The following FIG4 variants were observed in gnomAD, a reference collection of about 807,000 sequenced individuals.
The protein encoded by FIG4 is polyphosphoinositide phosphatase.
In FIG4, 112 loss-of-function variants were observed where a neutral mutation model predicts 118.6. The observed-to-expected ratio is 0.94, with a 90% CI of 0.81 to 1.11. The LOEUF (loss-of-function observed/expected upper bound fraction) is 1.11, where lower values mean the gene tolerates loss of function less well. Among genes scored for constraint, FIG4 ranks in the 50% least tolerant of loss-of-function variants. The probability of loss-of-function intolerance (pLI) is 0.00; values close to 1 mark genes in which losing one functional copy is unlikely to be tolerated. For missense variants in FIG4, 969 were observed against 1,111.7 expected (o/e 0.87, Z 1.83); for synonymous variants, 369 against 381.2 (o/e 0.97, Z 0.37).
chr6:109,764,452 A>G (rs1050553498), intron 13 of FIG4, among the ~76,000 whole-genome samples: 3 of 152,134 alleles, frequency 2.0e-5, no homozygotes, highest in African/African-American at 4.8e-5. Context: ...AGAAAAAAAA[A>G]AAAAAGAAAA....
At chr6:109,788,806 T>C (rs1191442508) in intron 18 of FIG4, among the ~76,000 whole-genome samples, 1 of 152,230 alleles carries the variant, frequency 6.6e-6, no homozygotes, top group Admixed American at 6.5e-5. Flanking sequence ...AGTCACACGC[T>C]TGGAGCAGTG....
intron 22 of FIG4, among the ~76,000 whole-genome samples, chr6:109,812,412 C>T (rs1562697525): frequency 6.6e-6 from 1 of 152,114 alleles, no homozygotes; most frequent in African/African-American, 2.4e-5. Flanking sequence ...CTGAACTCAT[C>T]CAGAAGGTTT....
intron 17 of FIG4, chr6:109,785,622 G>A (rs1380372338): frequency 2.1e-6 from 1 of 466,760 alleles, no homozygotes; most frequent in Admixed American, 2.4e-5. Context: ...TTCTGGCTTT[G>A]TTACTAACTC....
chr6:109,744,811 C>T (rs1776435971), intron 10 of FIG4, among the ~76,000 whole-genome samples: 1 of 149,460 alleles, frequency 6.7e-6, no homozygotes, highest in East Asian at 2.0e-4. Flanking sequence ...CCCCAACAGG[C>T]CCCAGTGTGT....
chr6:109,795,654 T>G (rs1166728136), intron 21 of FIG4, among the ~76,000 whole-genome samples: 5 of 119,364 alleles, frequency 4.2e-5, no homozygotes, highest in African/African-American at 1.3e-4. Context: ...CAGGCTGGAG[T>G]GCAATGGCAT....
At chr6:109,705,742 GT>G in intron 1 of FIG4, among the ~76,000 whole-genome samples, 1 of 152,170 alleles carries the variant, frequency 6.6e-6, no homozygotes, top group East Asian at 1.9e-4. Context: ...TAATCTTTAG[GT>G]TTCGTAGGAT....
intron 3 of FIG4, among the ~76,000 whole-genome samples, chr6:109,725,256 C>T (rs1775767812): frequency 6.6e-6 from 1 of 152,036 alleles, no homozygotes; most frequent in South Asian, 2.1e-4. Flanking sequence ...CCTCTCCTTG[C>T]CCCCACCCCT....
At chr6:109,707,777 G>C (rs990732737) in intron 1 of FIG4, among the ~76,000 whole-genome samples, 1 of 152,006 alleles carries the variant, frequency 6.6e-6, no homozygotes, top group African/African-American at 2.4e-5. Flanking sequence ...CACAATGTGA[G>C]TTGATTATGG....
At chr6:109,787,227 C>G (rs1261079760) in intron 18 of FIG4, among the ~76,000 whole-genome samples, 3 of 151,924 alleles carry the variant, frequency 2.0e-5, no homozygotes, top group Non-Finnish European at 4.4e-5. Flanking sequence ...ATAAGAAAAT[C>G]GAGCAAAGAA....
chr6:109,714,513 G>A (rs1405252755), intron 1 of FIG4, among the ~76,000 whole-genome samples: 2 of 152,164 alleles, frequency 1.3e-5, no homozygotes, highest in East Asian at 1.9e-4. Context: ...ACTGTTTTAG[G>A]AAAGAAAGAA....
intron 1 of FIG4, among the ~76,000 whole-genome samples, chr6:109,697,374 A>G (rs764304435): frequency 6.6e-6 from 1 of 152,168 alleles, no homozygotes; most frequent in East Asian, 1.9e-4. Context: ...TCAAGATTCA[A>G]CTGGGTTGCA....
intron 22 of FIG4, among the ~76,000 whole-genome samples, chr6:109,808,665 A>G (rs578041032): frequency 6.6e-6 from 1 of 152,152 alleles, no homozygotes; most frequent in Non-Finnish European, 1.5e-5. Context: ...ACAGACAGAC[A>G]AACTATGTTT....
At chr6:109,797,388 T>C (rs1778317440) in intron 22 of FIG4, among the ~76,000 whole-genome samples, 1 of 152,218 alleles carries the variant, frequency 6.6e-6, no homozygotes, top group African/African-American at 2.4e-5. Flanking sequence ...TAATAACACC[T>C]ACTTTGTAGG....
At chr6:109,813,490 C>T (rs1005857509) in intron 22 of FIG4, among the ~76,000 whole-genome samples, 3 of 152,174 alleles carry the variant, frequency 2.0e-5, no homozygotes, top group South Asian at 2.1e-4. Context: ...CATTCTGGTA[C>T]ACTTCTCCAC....
At chr6:109,748,547 G>A (rs2128388061) in intron 10 of FIG4, among the ~76,000 whole-genome samples, 1 of 152,136 alleles carries the variant, frequency 6.6e-6, no homozygotes, top group East Asian at 1.9e-4. Context: ...GGTGTAAGAT[G>A]TGATAGTGGG....
At chr6:109,747,814 C>T (rs998102143) in intron 10 of FIG4, among the ~76,000 whole-genome samples, 3 of 151,978 alleles carry the variant, frequency 2.0e-5, no homozygotes, top group East Asian at 1.9e-4. Flanking sequence ...GAGGCATGGT[C>T]GTGCTCTATC....
At chr6:109,779,906 C>T (rs1331740363) in intron 16 of FIG4, among the ~76,000 whole-genome samples, 1 of 152,130 alleles carries the variant, frequency 6.6e-6, no homozygotes, top group East Asian at 1.9e-4. Flanking sequence ...CATTTTCTCA[C>T]CTATAAAATG....
intron 16 of FIG4, among the ~76,000 whole-genome samples, chr6:109,784,592 T>A (rs1777899686): frequency 6.6e-6 from 1 of 152,240 alleles, no homozygotes; most frequent in Non-Finnish European, 1.5e-5. Context: ...AAGGTCCCAC[T>A]ACTCACCTGG....
chr6:109,772,115 A>C (rs1777484885), intron 15 of FIG4, among the ~76,000 whole-genome samples: 1 of 152,114 alleles, frequency 6.6e-6, no homozygotes, highest in Admixed American at 6.6e-5. Flanking sequence ...CACATTGCCA[A>C]ATCTAATGTT....
Sources: gnomAD v4.1 joint callset for allele counts (sites outside exome capture counted in the v4.1 genomes callset) on GRCh38, gnomAD v4.1.1 for gene constraint, MANE v1.5 for transcripts, NCBI Gene and HGNC (gene_info 2026-07-23, HGNC 2026-07-21) for gene names.